NOTUM: variants seen among roughly 807,000 people sequenced by gnomAD.
NOTUM encodes the protein palmitoleoyl-protein carboxylesterase NOTUM.
A neutral mutation model predicts 65.5 loss-of-function variants in NOTUM; 36 were observed. That is an observed-to-expected ratio of 0.55 (90% CI 0.42 to 0.73). The LOEUF is 0.73. Among genes scored for constraint, NOTUM ranks in the 30% least tolerant of loss-of-function variants. NOTUM has a pLI of 0.00. For synonymous variants in NOTUM, 356 were observed against 297.9 expected (o/e 1.20, Z -2.01); for missense variants, 659 against 694.2 (o/e 0.95, Z 0.57).
Position 81,953,226 on chromosome 17 carries a change from C to A in NOTUM, c.1226G>T (p.Arg409Leu). The A allele has an allele frequency of 6.2e-7, 1 of 1,611,870 alleles. No homozygotes were observed. ...DVQVKGTSLP[R>L]ALHCWDRSLH... ...GCTCCTGTCCCAGCAGTGCAGTGCT[C>A]GGGGCAGCGACGTCCCCTTCACCTG... Residue 409 changes from arginine to leucine, a missense_variant, in exon 11 of 11, where the codon CGA becomes CTA. Transcript: ENST00000409678.
chr17:81,954,142 C>A, intron 10 of NOTUM, 114 bp downstream of exon 10: 1 of 720,412 alleles, frequency 1.4e-6, no homozygotes, highest in Non-Finnish European at 2.5e-6. Context: ...TAAGGAAATC[C>A]CACCCCTAGA....
chr17:81,953,351 C>T, intron 10 of NOTUM, 84 bp from the exon 11 acceptor site: 1 of 873,908 alleles, frequency 1.1e-6, no homozygotes, highest in Non-Finnish European at 1.8e-6. Flanking sequence ...TGAGACCAGC[C>T]ATGGCAGGAT....
Position 81,958,386 on chromosome 17 carries a change from G to A in NOTUM, c.541C>T (p.Pro181Ser), listed in dbSNP as rs1207759117. The A allele has an allele frequency of 1.2e-6, 2 of 1,609,008 alleles. No homozygotes were observed. Among genetic ancestry groups the A allele is most frequent in the Non-Finnish European group, 1.7e-6 (2 of 1,177,108 alleles). The change falls in exon 5 of 11, where the codon CCC becomes TCC. Residue 181 changes from proline to serine, a missense_variant. By Grantham distance (74) the Pro-to-Ser change is moderately conservative (BLOSUM62 -1). Transcript: ENST00000409678. ...YWWNANMVFI[P>S]YCSSDVWSGA... The stretch of plus-strand genomic sequence containing the variant: ...CTCCAAACATCACTGGAGCAGTAGG[G>A]GATGAAGCTGCAACACAGAACAGAG...
Position 81,960,595 on chromosome 17 carries a change from G to T in NOTUM, c.315C>A (p.Ser105Arg). 2 of 1,505,116 alleles carry T rather than the reference G, an allele frequency of 1.3e-6. No homozygotes were observed. The highest frequency in any genetic ancestry group is 1.8e-6 in the Non-Finnish European group (2 of 1,115,188). The allele number at this position is 1,505,116 out of a possible 1,614,324, so 93.2% of individuals were successfully genotyped here. A position where few individuals can be genotyped will look rare whatever the true frequency, so the allele number is the denominator to read the frequency against. ...CAGGGCGCGGGCCTTACCCGGCGGGGCTGCCGTCGTTGCAGGTCACCGAGG... is the reference window on the plus strand; with the variant it reads ...CAGGGCGCGGGCCTTACCCGGCGGGTCTGCCGTCGTTGCAGGTCACCGAGG... ...LNTSVTCNDG[S>R]PAGYYLKESR... Residue 105 changes from serine to arginine, a missense_variant, in exon 1 of 11, where the codon AGC becomes AGA. Transcript: ENST00000409678. The surrounding 1 kb of genome is among the most constrained non-coding windows in gnomAD (Gnocchi z 6.4).
chr17:81,953,782 T>C (rs1287051345), intron 10 of NOTUM, among the ~76,000 whole-genome samples: 4 of 151,530 alleles, frequency 2.6e-5, no homozygotes, highest in Non-Finnish European at 5.9e-5. Flanking sequence ...CTTTTTTTTT[T>C]TTTCTTTTTT....
Position 81,960,899 on chromosome 17 carries a change from C to G in NOTUM, c.11G>C (p.Gly4Ala). Reference protein sequence around the residue: MGRGVRVLLLLSLL... With the variant: MGRAVRVLLLLSLL... The stretch of plus-strand genomic sequence containing the variant: ...GCTCAGCAGCAGCAGCACGCGCACC[C>G]CTCGGCCCATGGCCGCGTCCACCTG... Residue 4 changes from glycine (G) to alanine (A), a missense_variant, in exon 1 of 11, where the codon GGG becomes GCG. By Grantham distance (60) the Gly-to-Ala change is moderately conservative. Coordinates refer to ENST00000409678, the MANE Select transcript of NOTUM (RefSeq NM_178493.6). The surrounding 1 kb of genome is among the most constrained non-coding windows in gnomAD (Gnocchi z 6.4). The G allele has an allele frequency of 3.0e-6, 4 of 1,321,948 alleles. No homozygotes were observed. The South Asian group carries it at 8.0e-5, about 26-fold the overall frequency. 81.9% of individuals were successfully genotyped at this position (1,321,948 alleles called of 1,614,324 possible). A position where few individuals can be genotyped will look rare whatever the true frequency, so the allele number is the denominator to read the frequency against.
chr17:81,960,986 C>G lies in NOTUM; in HGVS notation c.-77G>C. The G allele has an allele frequency of 1.2e-6, 1 of 806,478 alleles. No individual in the cohort carries two copies. Among genetic ancestry groups the G allele is most frequent in the Non-Finnish European group, 1.6e-6 (1 of 626,750 alleles). The allele number at this position is 806,478 out of a possible 1,614,324, so 50.0% of individuals were successfully genotyped here. On this transcript the variant is annotated 5_prime_UTR_variant, in exon 1 of 11. Transcript: ENST00000409678. The surrounding 1 kb of genome is among the most constrained non-coding windows in gnomAD (Gnocchi z 6.4). ...GCGGGGGATGCCGGGCCGGGGGTGC[C>G]GGGCCGGGGGTGTCGGGGGCACTGG...
Position 81,961,000 on chromosome 17 carries a change from C to CG in NOTUM, c.-92dup. On this transcript the variant is annotated 5_prime_UTR_variant, in exon 1 of 11. Coordinates refer to ENST00000409678, the MANE Select transcript of NOTUM (RefSeq NM_178493.6). The surrounding 1 kb of genome is among the most constrained non-coding windows in gnomAD (Gnocchi z 6.4). ...GCCGGGGGTGCCGGGCCGGGGGTGT[C>CG]GGGGGCACTGGCCGCTCCTGCTCCC... The CG allele has an allele frequency of 1.7e-6, 1 of 605,924 alleles. No individual in the cohort carries two copies. Among genetic ancestry groups the CG allele is most frequent in the South Asian group, 7.5e-5 (1 of 13,324 alleles). The allele number at this position is 605,924 out of a possible 1,614,324, so 37.5% of individuals were successfully genotyped here.
Position 81,957,793 on chromosome 17 carries a change from C to T in NOTUM, c.695+13G>A, listed in dbSNP as rs752474727. 2.4e-5 allele frequency: 38 copies of T among 1,580,638 alleles called. No homozygotes were observed. The highest frequency in any genetic ancestry group is 3.2e-5 in the Non-Finnish European group (37 of 1,161,914). On this transcript the variant is annotated intron_variant, in intron 6 of 10. Coordinates refer to ENST00000409678, the MANE Select transcript of NOTUM (RefSeq NM_178493.6). Reference sequence around the variant, plus strand: ...CTCACCCCTCACCTCCAGCCCTGCCCCGCCCTGCCCACCTGCTCCCGGCCA... The same window carrying T: ...CTCACCCCTCACCTCCAGCCCTGCCTCGCCCTGCCCACCTGCTCCCGGCCA...
chr17:81,957,002 G>A lies in NOTUM; in HGVS notation c.768C>T (p.Ala256=). 6.2e-7 allele frequency: 1 copy of A among 1,612,372 alleles called. No individual in the cohort carries two copies. The highest frequency in any genetic ancestry group is 8.5e-7 in the Non-Finnish European group (1 of 1,179,884). The change falls in exon 7 of 11, where the codon GCC becomes GCT. Residue 256 remains alanine (A), a synonymous_variant. Coordinates refer to ENST00000409678, the MANE Select transcript of NOTUM (RefSeq NM_178493.6). The part of the protein sequence containing the change: ...AEQLEKLGYP[A]IQVRGLADSG... ...AGTCAGCCAGGCCTCGCACCTGGATGGCTGGGTAGCCCAGCTTCTCCAGCT... is the reference window on the plus strand; with the variant it reads ...AGTCAGCCAGGCCTCGCACCTGGATAGCTGGGTAGCCCAGCTTCTCCAGCT...
chr17:81,961,056 G>A lies in NOTUM; in HGVS notation c.-147C>T, dbSNP rs190091229. 0.015 allele frequency: 3,624 copies of A among 240,198 alleles called. 130 individuals carry two copies. Among genetic ancestry groups the A allele is most frequent in the African/African-American group, 0.077 (3,298 of 42,916 alleles). 14.9% of individuals were successfully genotyped at this position (240,198 alleles called of 1,614,324 possible). Reference sequence around the variant, plus strand: ...CCCGCTCCCGCCCGCCGGGCCTGGCGGAGAAGGCGCGCGCGGCTCGGCGTC... The same window carrying A: ...CCCGCTCCCGCCCGCCGGGCCTGGCAGAGAAGGCGCGCGCGGCTCGGCGTC... On this transcript the variant is annotated 5_prime_UTR_variant, in exon 1 of 11. Coordinates refer to ENST00000409678, the MANE Select transcript of NOTUM (RefSeq NM_178493.6).
At chr17:81,959,087 T>G (rs2143947945) in intron 3 of NOTUM, 92 bp from the exon 4 acceptor site, 4 of 1,091,338 alleles carry the variant, frequency 3.7e-6, no homozygotes, top group Non-Finnish European at 5.6e-6. Context: ...GGCTCCTACT[T>G]GGCCCCAGGA....
rs911002438 is a variant in NOTUM at position 81,959,593 on chromosome 17, C to G, written c.377-27G>C. 3.2e-6 allele frequency: 5 copies of G among 1,546,832 alleles called. No individual in the cohort carries two copies. In the African/African-American group the frequency reaches 4.1e-5, roughly 13 times the overall value. Reference sequence around the variant, plus strand: ...TGCGGACACGACCGCCGCTCAGGCCCGCGCGCACAGACCCCCGGCCTCCCC... The same window carrying G: ...TGCGGACACGACCGCCGCTCAGGCCGGCGCGCACAGACCCCCGGCCTCCCC... On this transcript the variant is annotated intron_variant, in intron 2 of 10. Coordinates refer to ENST00000409678, the MANE Select transcript of NOTUM (RefSeq NM_178493.6).
intron 4 of NOTUM, 94 bp from the exon 5 acceptor site, chr17:81,958,487 C>T: frequency 2.4e-6 from 2 of 828,086 alleles, no homozygotes; most frequent in South Asian, 1.4e-5. Context: ...AAAAGACCAT[C>T]CCAGGACAGG....
At chr17:81,957,134 G>A (rs1473022854) in intron 6 of NOTUM, 60 bp from the exon 7 acceptor site, 6 of 1,448,138 alleles carry the variant, frequency 4.1e-6, no homozygotes, top group South Asian at 1.2e-5. Context: ...CCTCCCCCGA[G>A]TCTGCTCAGC....
Position 81,961,062 on chromosome 17 carries a change from G to GTC in NOTUM, c.-154_-153insGA, listed in dbSNP as rs1461874090. On this transcript the variant is annotated 5_prime_UTR_variant, in exon 1 of 11. Transcript: ENST00000409678. ...CCCGCCCGCCGGGCCTGGCGGAGAAGGCGCGCGCGGCTCGGCGTCGAGGCG... is the reference window on the plus strand; with the variant it reads ...CCCGCCCGCCGGGCCTGGCGGAGAAGTCGCGCGCGCGGCTCGGCGTCGAGGCG... 2 of 217,804 alleles carry GTC rather than the reference G, an allele frequency of 9.2e-6. No homozygotes were observed. The highest frequency in any genetic ancestry group is 4.7e-5 in the African/African-American group (2 of 42,306). The allele number at this position is 217,804 out of a possible 1,614,324, so 13.5% of individuals were successfully genotyped here.
rs200200586 is a variant in NOTUM, at chr17:81,958,337, T to C, written c.590A>G (p.Lys197Arg). 2.2e-5 allele frequency: 36 copies of C among 1,606,238 alleles called. No individual in the cohort carries two copies. The highest frequency in any genetic ancestry group is 5.0e-5 in the Admixed American group (3 of 60,006). The change falls in exon 5 of 11, where the codon AAG becomes AGG. Residue 197 changes from lysine (K) to arginine (R), a missense_variant and splice_region_variant. Lys to Arg is a conservative substitution (Grantham distance 26, BLOSUM62 2). Coordinates refer to ENST00000409678, the MANE Select transcript of NOTUM (RefSeq NM_178493.6). Reference protein sequence around the residue: ...VWSGASSKSEKNEYAFMGALI... With the variant: ...VWSGASSKSERNEYAFMGALI... ...GCCCTGGGAAGGCCGAGACTCACTCTTCTCAGACTTGGATGAAGCCCCGCT... is the reference window on the plus strand; with the variant it reads ...GCCCTGGGAAGGCCGAGACTCACTCCTCTCAGACTTGGATGAAGCCCCGCT...
In NOTUM at chr17:81,955,508, G is replaced by A; in HGVS notation, c.1025C>T (p.Ala342Val). Residue 342 changes from alanine to valine, a missense_variant, in exon 9 of 11, where the codon GCA becomes GTA. Transcript: ENST00000409678. ...GTGCACGTTGTCCACCGTCAGCTGT[G>A]CCTCGTCAAACAGCCACTGCACCAC... ...VFVVQWLFDEAQLTVDNVHLT... is the reference protein window; with the variant it reads ...VFVVQWLFDEVQLTVDNVHLT... 1 of 1,611,498 alleles carries A rather than the reference G, an allele frequency of 6.2e-7. No homozygotes were observed. The highest frequency in any genetic ancestry group is 8.5e-7 in the Non-Finnish European group (1 of 1,179,418).
At position 81,952,694 on chromosome 17, in the gene NOTUM, A is replaced by T; in HGVS notation, c.*267T>A. The T allele has an allele frequency of 5.5e-6, 3 of 543,946 alleles. No individual in the cohort carries two copies. Among genetic ancestry groups the T allele is most frequent in the Non-Finnish European group, 9.8e-6 (3 of 306,000 alleles). The allele number at this position is 543,946 out of a possible 1,614,324, so 33.7% of individuals were successfully genotyped here. On this transcript the variant is annotated 3_prime_UTR_variant, in exon 11 of 11. Coordinates refer to ENST00000409678, the MANE Select transcript of NOTUM (RefSeq NM_178493.6). ...TCTGAGCTGGTGGACTGAGGAATCC[A>T]GTGCTTCTCTTCTGGCTACCCCCTC... is the stretch of plus-strand genomic sequence containing the variant.
Sources: allele counts gnomAD v4.1 joint callset (sites outside exome capture counted in the v4.1 genomes callset), GRCh38; gene constraint gnomAD v4.1.1; non-coding constraint Gnocchi (gnomAD v3.1); transcripts MANE v1.5; gene names NCBI Gene and HGNC (gene_info 2026-07-23, HGNC 2026-07-21).